Variants in SWAP70 observed in about 807,000 individuals in gnomAD.
SWAP70 encodes the protein switch-associated protein 70.
SWAP70 carries 34 observed loss-of-function variants against 80.2 expected under a neutral mutation model. The ratio of observed to expected loss-of-function variants is 0.42; its 90% CI spans 0.32 to 0.56. The LOEUF (loss-of-function observed/expected upper bound fraction) is 0.56. Ranked by LOEUF, SWAP70 falls within the 20% of genes least tolerant of loss-of-function variation. SWAP70 has a pLI of 0.09. For synonymous variants in SWAP70, 239 were observed against 238.5 expected (o/e 1.00, Z -0.02); for missense variants, 578 against 690.7 (o/e 0.84, Z 1.83).
In SWAP70 at chr11:9,738,221, G is replaced by C. The variant is rs1851388692; in HGVS notation, c.1089G>C (p.Glu363Asp). 1.2e-6 allele frequency: 2 copies of C among 1,606,420 alleles called. No individual in the cohort carries two copies. The highest frequency in any genetic ancestry group is 1.7e-6 in the Non-Finnish European group (2 of 1,176,674). ...GGTTTTTGATTGGCTAGAAACTGGA[G>C]GAAGCAGCATCTCGTGCAGCAGAAG... ...QELEAVRKKL[E>D]EAASRAAEEE... The change falls in exon 8 of 12, where the codon GAG becomes GAC. Residue 363 changes from glutamate to aspartate, a missense_variant. Glu to Asp is a conservative substitution (Grantham distance 45). Coordinates refer to ENST00000318950, the MANE Select transcript of SWAP70 (RefSeq NM_015055.4).
chr11:9,665,851 A>T (rs2134409226), intron 1 of SWAP70, among the ~76,000 whole-genome samples: 1 of 151,796 alleles, frequency 6.6e-6, no homozygotes, highest in Admixed American at 6.6e-5. Flanking sequence ...CTTTTAACTT[A>T]CCTATGCCAT....
Position 9,694,201 on chromosome 11 carries a change from T to C in SWAP70, c.155T>C (p.Leu52Pro). Residue 52 changes from leucine to proline, a missense_variant, in exon 2 of 12, where the codon CTT becomes CCT. Physicochemically the swap from Leu to Pro is moderately conservative, Grantham distance 98. Coordinates refer to ENST00000318950, the MANE Select transcript of SWAP70 (RefSeq NM_015055.4). Reference sequence around the variant, plus strand: ...AAGGTTCCTCATGACCCAGTTGCCCTTGAAGAGCACTTCAGGGATGATGAT... The same window carrying C: ...AAGGTTCCTCATGACCCAGTTGCCCCTGAAGAGCACTTCAGGGATGATGAT... ...VLKVPHDPVA[L>P]EEHFRDDDEG... The C allele has an allele frequency of 6.2e-7, 1 of 1,613,200 alleles. No individual in the cohort carries two copies. The highest frequency in any genetic ancestry group is 8.5e-7 in the Non-Finnish European group (1 of 1,179,618).
rs189359725 is a variant in SWAP70 at position 9,684,582 on chromosome 11, A to G, written c.100-9564A>G. Among the ~76,000 whole-genome samples, 561 of 152,256 alleles carry G rather than the reference A, an allele frequency of 3.7e-3. 1 individual carries two copies. The highest frequency in any genetic ancestry group is 0.012 in the African/African-American group (498 of 41,546). On this transcript the variant is annotated intron_variant, in intron 1 of 11. Transcript: ENST00000318950. ...CAGAAGTCTGTACTTGAATTTTAAG[A>G]AACTGGACTTCTCTACTAGATCTCA...
chr11:9,672,064 A>C (rs1339459377), intron 1 of SWAP70, among the ~76,000 whole-genome samples: 1 of 126,104 alleles, frequency 7.9e-6, no homozygotes, highest in African/African-American at 3.0e-5. Context: ...ATTTTATAGT[A>C]TAAAATATAT....
intron 5 of SWAP70, among the ~76,000 whole-genome samples, chr11:9,729,023 C>T (rs896341157): frequency 4.6e-5 from 7 of 152,190 alleles, no homozygotes; most frequent in Non-Finnish European, 8.8e-5. Flanking sequence ...GTTAATACCT[C>T]TTGTAACATC....
chr11:9,694,317 A>G (rs1343845539), intron 2 of SWAP70, 31 bp downstream of exon 2: 3 of 1,576,572 alleles, frequency 1.9e-6, no homozygotes, highest in African/African-American at 1.4e-5. Context: ...TGGGTGTAGC[A>G]TTGTTTGGTT....
chr11:9,671,757 T>TTTCTATGTATACATAGAAATATACATATA (rs1565109867), intron 1 of SWAP70, among the ~76,000 whole-genome samples: 1 of 44,878 alleles, frequency 2.2e-5, no homozygotes, highest in Non-Finnish European at 4.6e-5. Context: ...TATAAATATA[T>TTTCTATGTATACATAGAAATATACATATA]AAATATATAA....
Position 9,732,516 on chromosome 11 carries a change from A to G in SWAP70, c.899-13A>G. The G allele has an allele frequency of 6.3e-7, 1 of 1,595,002 alleles. No individual in the cohort carries two copies. Among genetic ancestry groups the G allele is most frequent in the Non-Finnish European group, 8.5e-7 (1 of 1,170,126 alleles). ...ATCTCCCCATTTTTTTTTTCCTCCT[A>G]CACCTTTTACAGCCATTCATTCTAC... On this transcript the variant is annotated splice_polypyrimidine_tract_variant and intron_variant, in intron 6 of 11. Transcript: ENST00000318950.
chr11:9,724,984 T>C, intron 4 of SWAP70, 99 bp downstream of exon 4: 1 of 885,212 alleles, frequency 1.1e-6, no homozygotes, highest in Non-Finnish European at 1.7e-6. Context: ...ACTTATTTTC[T>C]TACACTGATT....
intron 1 of SWAP70, among the ~76,000 whole-genome samples, chr11:9,669,421 G>C (rs1850347026): frequency 1.3e-5 from 2 of 152,074 alleles, no homozygotes; most frequent in South Asian, 2.1e-4. Context: ...GTGGAGACAG[G>C]GTTTCACCAT....
intron 6 of SWAP70, among the ~76,000 whole-genome samples, chr11:9,730,595 A>C (rs1192812682): frequency 2.0e-5 from 3 of 152,290 alleles, no homozygotes; most frequent in Admixed American, 6.5e-5. Context: ...TTTCCCTTTT[A>C]AGGACTGTGA....
intron 9 of SWAP70, chr11:9,740,573 G>T: frequency 1.8e-6 from 1 of 547,966 alleles, no homozygotes. Context: ...CTAAATAAGG[G>T]CCTATTTTAG....
rs77971716 is a variant in SWAP70, at chr11:9,703,092, C to G, written c.240+8806C>G. 6.4e-3 allele frequency among the ~76,000 whole-genome samples: 981 copies of G among 152,284 alleles called. 7 individuals carry two copies. The highest frequency in any genetic ancestry group is 0.023 in the African/African-American group (948 of 41,546). ...TACCCATTTAGCAATCACTCCCTCTCCCCTATAGCTCTAGGCAAGTGCAAA... is the reference window on the plus strand; with the variant it reads ...TACCCATTTAGCAATCACTCCCTCTGCCCTATAGCTCTAGGCAAGTGCAAA... On this transcript the variant is annotated intron_variant, in intron 2 of 11. Coordinates refer to ENST00000318950, the MANE Select transcript of SWAP70 (RefSeq NM_015055.4).
intron 1 of SWAP70, among the ~76,000 whole-genome samples, chr11:9,685,982 A>G (rs968126944): frequency 2.0e-5 from 3 of 152,158 alleles, no homozygotes; most frequent in Non-Finnish European, 2.9e-5. Context: ...GTTTCAACAT[A>G]TGAATTTTGG....
At chr11:9,729,570 C>G in intron 6 of SWAP70, 119 bp downstream of exon 6, 1 of 719,456 alleles carries the variant, frequency 1.4e-6, no homozygotes, top group Non-Finnish European at 2.4e-6. Flanking sequence ...GCTATCTTGG[C>G]TTACTGCAAC....
At chr11:9,736,420 A>G (rs1331687828) in intron 7 of SWAP70, among the ~76,000 whole-genome samples, 1 of 151,896 alleles carries the variant, frequency 6.6e-6, no homozygotes, top group African/African-American at 2.4e-5. Context: ...TTTTCTTTGC[A>G]TGTCTCATAA....
At chr11:9,719,130 T>C (rs986249432) in intron 3 of SWAP70, among the ~76,000 whole-genome samples, 1 of 142,164 alleles carries the variant, frequency 7.0e-6, no homozygotes, top group Non-Finnish European at 1.5e-5. Context: ...GTCAGCTGGG[T>C]GCAGTGGCAC....
chr11:9,694,331 A>T, intron 2 of SWAP70, 45 bp downstream of exon 2: 1 of 1,546,578 alleles, frequency 6.5e-7, no homozygotes, highest in Non-Finnish European at 8.7e-7. Context: ...TTTGGTTTGC[A>T]TGTTTCAAGT....
chr11:9,727,454 G>T (rs550342487), intron 4 of SWAP70, among the ~76,000 whole-genome samples: 1 of 152,240 alleles, frequency 6.6e-6, no homozygotes, highest in Admixed American at 6.5e-5. Context: ...TGAACTCCTG[G>T]CCTCAAGCGA....
Sources: gnomAD v4.1 joint callset for allele counts (sites outside exome capture counted in the v4.1 genomes callset) on GRCh38, gnomAD v4.1.1 for gene constraint, MANE v1.5 for transcripts, NCBI Gene and HGNC (gene_info 2026-07-23, HGNC 2026-07-21) for gene names.